The following NREP variants were observed in gnomAD, a reference collection of about 807,000 sequenced individuals.
The protein encoded by NREP is neuronal regeneration-related protein.
Under a neutral mutation model 8.6 loss-of-function variants are expected in NREP, and 5 were observed. The observed-to-expected ratio is 0.58, with a 90% confidence interval of 0.30 to 1.22. The LOEUF is 1.22. NREP is among the 50% of genes most tolerant of loss of function. The probability of loss-of-function intolerance (pLI) is 0.07; values close to 1 mark genes in which losing one functional copy is unlikely to be tolerated. For synonymous variants in NREP, 27 were observed against 28.0 expected (o/e 0.96, Z 0.11); for missense variants, 86 against 82.5 (o/e 1.04, Z -0.17).
intron 2 of NREP, among the ~76,000 whole-genome samples, chr5:111,900,489 A>T (rs980171662): frequency 7.2e-5 from 11 of 151,858 alleles, no homozygotes; most frequent in Admixed American, 2.6e-4. Flanking sequence ...GTTTTTTTTT[A>T]AAAAAGGATA....
chr5:111,767,684 G>C (rs1373216297), intron 2 of NREP, among the ~76,000 whole-genome samples: 1 of 151,906 alleles, frequency 6.6e-6, no homozygotes, highest in African/African-American at 2.4e-5. Context: ...TTTTTGTTTT[G>C]AGACAGAGTC....
intron 2 of NREP, among the ~76,000 whole-genome samples, chr5:111,741,624 G>C (rs184299077): frequency 3.9e-5 from 6 of 152,128 alleles, no homozygotes; most frequent in Non-Finnish European, 7.4e-5. Context: ...ATGCTGCTTG[G>C]AGAAGAAGCA....
At chr5:111,734,629 T>G in intron 3 of NREP, 1 of 600,366 alleles carries the variant, frequency 1.7e-6, no homozygotes, top group Non-Finnish European at 3.0e-6. Context: ...AAATAATTTC[T>G]TAAACATTGA....
chr5:111,741,667 C>CA (rs759003973), intron 2 of NREP, among the ~76,000 whole-genome samples: 1 of 152,080 alleles, frequency 6.6e-6, no homozygotes, highest in Non-Finnish European at 1.5e-5. Context: ...CACTGGAAGA[C>CA]AAAAAGGTAA....
chr5:111,864,533 T>C (rs968885774), intron 2 of NREP, among the ~76,000 whole-genome samples: 21 of 152,184 alleles, frequency 1.4e-4, no homozygotes, highest in African/African-American at 4.6e-4. Context: ...AAAAAGCAGA[T>C]AGACAGTATA....
intron 2 of NREP, among the ~76,000 whole-genome samples, chr5:111,822,389 A>G (rs115725332): frequency 1.1e-3 from 162 of 152,364 alleles, no homozygotes; most frequent in Middle Eastern, 6.8e-3. Context: ...GCAGTTTGAT[A>G]TAATAGAATT....
intron 2 of NREP, among the ~76,000 whole-genome samples, chr5:111,744,661 C>CATGTGA (rs1554095607): frequency 6.6e-6 from 1 of 151,942 alleles, no homozygotes; most frequent in Non-Finnish European, 1.5e-5. Flanking sequence ...GGATTCAGTC[C>CATGTGA]GGCAGTACCA....
chr5:111,886,814 G>T (rs1174778663), intron 2 of NREP, among the ~76,000 whole-genome samples: 2 of 151,138 alleles, frequency 1.3e-5, no homozygotes, highest in African/African-American at 4.9e-5. Context: ...ACACTCTGGG[G>T]ACTGTTGTGG....
At chr5:111,950,477 A>G (rs1220577603) in intron 2 of NREP, among the ~76,000 whole-genome samples, 1 of 152,176 alleles carries the variant, frequency 6.6e-6, no homozygotes, top group African/African-American at 2.4e-5. Flanking sequence ...CATTCAGGAC[A>G]TATGCATGGG....
chr5:111,763,612 T>C (rs1199404812), intron 2 of NREP, among the ~76,000 whole-genome samples: 2 of 152,234 alleles, frequency 1.3e-5, no homozygotes, highest in Non-Finnish European at 2.9e-5. Flanking sequence ...AAACAGACCA[T>C]ATGAAACACA....
chr5:111,744,992 G>A (rs1361748574), intron 2 of NREP, among the ~76,000 whole-genome samples: 2 of 151,908 alleles, frequency 1.3e-5, no homozygotes, highest in African/African-American at 4.8e-5. Context: ...CAATAAACAG[G>A]AGTAGTTGGA....
intron 2 of NREP, among the ~76,000 whole-genome samples, chr5:111,971,424 A>T (rs1227048758): frequency 2.0e-5 from 3 of 152,074 alleles, no homozygotes; most frequent in Middle Eastern, 6.8e-3. Flanking sequence ...CTAAACAAAT[A>T]AAAAAAACAC....
At chr5:111,910,439 G>C (rs1390520158) in intron 2 of NREP, among the ~76,000 whole-genome samples, 1 of 151,960 alleles carries the variant, frequency 6.6e-6, no homozygotes, top group Non-Finnish European at 1.5e-5. Flanking sequence ...GGGGGTACTA[G>C]TGGCAGGGTG....
intron 2 of NREP, among the ~76,000 whole-genome samples, chr5:111,972,634 G>A (rs1243630878): frequency 2.0e-5 from 3 of 152,160 alleles, no homozygotes; most frequent in African/African-American, 7.2e-5. Context: ...GCAAACTGGG[G>A]TCACAGTCCA....
intron 2 of NREP, among the ~76,000 whole-genome samples, chr5:111,744,289 G>T (rs961961763): frequency 2.8e-4 from 42 of 152,158 alleles, no homozygotes; most frequent in African/African-American, 9.6e-4. Context: ...TTAAAAACTG[G>T]TATCTCTTCA....
At chr5:111,821,252 T>A (rs764188532) in intron 2 of NREP, among the ~76,000 whole-genome samples, 10 of 152,180 alleles carry the variant, frequency 6.6e-5, no homozygotes, top group Non-Finnish European at 1.3e-4. Context: ...ATTTTTGTAT[T>A]CCTGATTAGG....
At chr5:111,804,288 C>G (rs1752085609) in intron 2 of NREP, among the ~76,000 whole-genome samples, 1 of 152,140 alleles carries the variant, frequency 6.6e-6, no homozygotes, top group South Asian at 2.1e-4. Context: ...AATAGATAGA[C>G]TTTTAAATAA....
At chr5:111,783,595 G>T (rs1056981087) in intron 2 of NREP, among the ~76,000 whole-genome samples, 2 of 152,134 alleles carry the variant, frequency 1.3e-5, no homozygotes, top group East Asian at 3.9e-4. Flanking sequence ...CTGTTTTATT[G>T]ATGTCCCTTC....
At chr5:111,884,902 TG>T (rs1754197744) in intron 2 of NREP, among the ~76,000 whole-genome samples, 1 of 152,216 alleles carries the variant, frequency 6.6e-6, no homozygotes, top group African/African-American at 2.4e-5. Flanking sequence ...GCATTCCCTT[TG>T]AAAACTGGCA....
Sources: allele counts gnomAD v4.1 joint callset (sites outside exome capture counted in the v4.1 genomes callset), GRCh38; gene constraint gnomAD v4.1.1; transcripts MANE v1.5; gene names NCBI Gene and HGNC (gene_info 2026-07-23, HGNC 2026-07-21).